ASB4: variants seen among roughly 807,000 people sequenced by gnomAD.
ASB4 encodes the protein ankyrin repeat and SOCS box containing 4, also known as ankyrin repeat and SOCS box protein 4.
In ASB4, 35 loss-of-function variants were observed where a neutral mutation model predicts 38.6. The ratio of observed to expected loss-of-function variants is 0.91; its 90% CI spans 0.69 to 1.20. The LOEUF (loss-of-function observed/expected upper bound fraction) is 1.20. Among genes scored for constraint, ASB4 ranks in the 50% most tolerant of loss-of-function variants. The pLI is 0.00. For synonymous variants in ASB4, 195 were observed against 201.3 expected, an observed-to-expected ratio of 0.97 and a Z score of 0.26; for missense variants, 557 against 527.2, an observed-to-expected ratio of 1.06 and a Z score of -0.55.
chr7:95,476,446 T>C (rs1174949121), upstream of ASB4, among the ~76,000 whole-genome samples: 1 of 152,132 alleles, frequency 6.6e-6, no homozygotes, highest in Non-Finnish European at 1.5e-5. Flanking sequence ...AATACAAAAT[T>C]CACCTATGAG....
At chr7:95,529,004 A>G (rs1315504604) in intron 3 of ASB4, among the ~76,000 whole-genome samples, 1 of 152,166 alleles carries the variant, frequency 6.6e-6, no homozygotes, top group African/African-American at 2.4e-5. Flanking sequence ...TCTTAACAAC[A>G]TTCATAATCT....
chr7:95,527,815 GC>G lies in ASB4; in HGVS notation c.491del (p.Ala164GlyfsTer3). The G allele has an allele frequency of 6.3e-7, 1 of 1,596,202 alleles. No homozygotes were observed. Among genetic ancestry groups the G allele is most frequent in the South Asian group, 1.1e-5 (1 of 90,646 alleles). On this transcript the variant is annotated frameshift_variant, in exon 3 of 5. Transcript: ENST00000325885. LOFTEE classifies it high-confidence loss of function. Reference sequence around the variant, plus strand: ...TCTTCCTCAATTTCCCTTTATAGGGGCGAATGTGAACATGAAGACCAACAAC... The same window carrying G: ...TCTTCCTCAATTTCCCTTTATAGGGGGAATGTGAACATGAAGACCAACAAC... The part of the protein sequence containing the change: ...LCAKQLVWRG[A>X]NVNMKTNNQD...
intron 2 of ASB4, among the ~76,000 whole-genome samples, chr7:95,508,845 A>T (rs1041584388): frequency 3.3e-5 from 5 of 152,240 alleles, no homozygotes; most frequent in Non-Finnish European, 7.3e-5. Flanking sequence ...GAGGGATCTG[A>T]TGGAGTCCAA....
intron 2 of ASB4, among the ~76,000 whole-genome samples, chr7:95,508,192 T>A (rs926356741): frequency 3.3e-5 from 5 of 152,098 alleles, no homozygotes; most frequent in African/African-American, 1.2e-4. Flanking sequence ...TTCTGAGAAG[T>A]TTGGGAAATG....
At chr7:95,485,073 C>T (rs999762457), upstream of ASB4, among the ~76,000 whole-genome samples, 12 of 148,088 alleles carry the variant, frequency 8.1e-5, no homozygotes, top group African/African-American at 3.1e-4. Flanking sequence ...TATGTATATA[C>T]ACATACACAC....
intron 3 of ASB4, among the ~76,000 whole-genome samples, chr7:95,535,341 T>C (rs1419130291): frequency 6.6e-6 from 1 of 152,198 alleles, no homozygotes; most frequent in East Asian, 1.9e-4. Flanking sequence ...GTTGTTTAAG[T>C]GCAGAGGCAT....
intron 2 of ASB4, among the ~76,000 whole-genome samples, chr7:95,511,382 C>T (rs1422987467): frequency 6.6e-6 from 1 of 152,100 alleles, no homozygotes; most frequent in Non-Finnish European, 1.5e-5. Flanking sequence ...CTCAGCAACA[C>T]TCTTGAATTA....
At chr7:95,518,295 G>C (rs902878554) in intron 2 of ASB4, among the ~76,000 whole-genome samples, 1 of 152,226 alleles carries the variant, frequency 6.6e-6, no homozygotes, top group African/African-American at 2.4e-5. Context: ...TGGCTTCCAG[G>C]CTTAGACAAT....
At chr7:95,490,950 C>A (rs62467676) in intron 1 of ASB4, among the ~76,000 whole-genome samples, 1,538 of 152,238 alleles carry the variant, frequency 0.01, 17 homozygotes, top group African/African-American at 0.034. Context: ...GGATCATAGA[C>A]GGCTATTTAA....
the ASB4 span, among the ~76,000 whole-genome samples, chr7:95,546,699 T>C: frequency 2.0e-5 from 3 of 152,236 alleles, no homozygotes; most frequent in Non-Finnish European, 4.4e-5. Context: ...TTTGTCATCC[T>C]TGGATTTCAT....
chr7:95,520,792 T>C (rs1235118046), intron 2 of ASB4, among the ~76,000 whole-genome samples: 1 of 152,186 alleles, frequency 6.6e-6, no homozygotes, highest in Non-Finnish European at 1.5e-5. Context: ...GGTCTGTTTC[T>C]AGGCTTTACG....
intron 1 of ASB4, among the ~76,000 whole-genome samples, chr7:95,491,683 T>C (rs1562809821): frequency 1.3e-5 from 2 of 152,204 alleles, no homozygotes; most frequent in African/African-American, 4.8e-5. Context: ...TCTTGACATA[T>C]CAGCATCAGC....
the ASB4 span, among the ~76,000 whole-genome samples, chr7:95,472,842 T>A: frequency 6.6e-6 from 1 of 152,110 alleles, no homozygotes; most frequent in Non-Finnish European, 1.5e-5. Flanking sequence ...CCCAGAAACG[T>A]GCACTTCCCA....
At chr7:95,543,415 C>G (rs924768306), downstream of ASB4, 4 of 152,168 alleles carry the variant, frequency 2.6e-5, no homozygotes, top group Admixed American at 6.5e-5. Context: ...TTGAGTGTGT[C>G]CTCCATTTCC....
chr7:95,515,235 C>CTTTCTTTCTTTCTT (rs1790552102), intron 2 of ASB4, among the ~76,000 whole-genome samples: 1 of 75,502 alleles, frequency 1.3e-5, no homozygotes, highest in South Asian at 4.8e-4. Context: ...CTTTCTTTTT[C>CTTTCTTTCTTTCTT]TTTCTTTCTT....
chr7:95,515,190 TTTC>T (rs1451308135), intron 2 of ASB4, among the ~76,000 whole-genome samples: 1,652 of 128,170 alleles, frequency 0.013, 47 homozygotes, highest in African/African-American at 0.053. Flanking sequence ...TCTTTCTTTC[TTTC>T]TTTCTTTCTT....
At chr7:95,546,779 G>A in the ASB4 span, among the ~76,000 whole-genome samples, 1 of 152,172 alleles carries the variant, frequency 6.6e-6, no homozygotes, top group Non-Finnish European at 1.5e-5. Flanking sequence ...TAGAAGGCAG[G>A]GCTGCCGGCA....
chr7:95,480,144 A>G (rs546199168), intron 1 of ASB4, among the ~76,000 whole-genome samples: 24 of 152,206 alleles, frequency 1.6e-4, no homozygotes, highest in Non-Finnish European at 2.5e-4. Flanking sequence ...CCTTGTTCTG[A>G]TCTATACAAG....
the ASB4 span, among the ~76,000 whole-genome samples, chr7:95,548,162 T>C: frequency 6.6e-6 from 1 of 152,268 alleles, no homozygotes; most frequent in Non-Finnish European, 1.5e-5. Context: ...CAAAGTGATG[T>C]ACATGTTTGC....
Sources: allele counts gnomAD v4.1 joint callset (sites outside exome capture counted in the v4.1 genomes callset), GRCh38; gene constraint gnomAD v4.1.1; transcripts MANE v1.5; gene names NCBI Gene and HGNC (gene_info 2026-07-23, HGNC 2026-07-21).